The following FSTL4 variants were observed in gnomAD, a reference collection of about 807,000 sequenced individuals.
FSTL4 encodes follistatin like 4, also known as follistatin-related protein 4.
Under a neutral mutation model 78.2 loss-of-function variants are expected in FSTL4, and 28 were observed. The ratio of observed to expected loss-of-function variants is 0.36; its 90% CI spans 0.27 to 0.49. The LOEUF (loss-of-function observed/expected upper bound fraction) is 0.49. Among genes scored for constraint, FSTL4 ranks in the 20% least tolerant of loss-of-function variants. FSTL4 has a pLI of 0.98. For synonymous variants in FSTL4, 422 were observed against 440.5 expected (o/e 0.96, Z 0.53); for missense variants, 922 against 1,084.9 (o/e 0.85, Z 2.11).
chr5:133,546,154 A>G (rs1387437036), intron 3 of FSTL4, among the ~76,000 whole-genome samples: 1 of 152,240 alleles, frequency 6.6e-6, no homozygotes. Flanking sequence ...GATGAAACTC[A>G]TAATCAAAAG....
chr5:133,821,142 G>C, the FSTL4 span, among the ~76,000 whole-genome samples: 1 of 152,208 alleles, frequency 6.6e-6, no homozygotes, highest in African/African-American at 2.4e-5. Flanking sequence ...TTATTAAATT[G>C]TAAAAATACT....
At chr5:133,350,528 T>G (rs1254830024) in intron 4 of FSTL4, among the ~76,000 whole-genome samples, 2 of 152,274 alleles carry the variant, frequency 1.3e-5, no homozygotes, top group African/African-American at 2.4e-5. Flanking sequence ...AAGGTTTAGG[T>G]TCCTGTTTTC....
intron 4 of FSTL4, among the ~76,000 whole-genome samples, chr5:133,336,875 T>G (rs1449126187): frequency 6.6e-6 from 1 of 152,188 alleles, no homozygotes; most frequent in Non-Finnish European, 1.5e-5. Flanking sequence ...ACCATTTCCA[T>G]GACCACACTG....
chr5:133,811,487 G>A, the FSTL4 span, among the ~76,000 whole-genome samples: 5 of 152,300 alleles, frequency 3.3e-5, no homozygotes, highest in South Asian at 4.1e-4. Flanking sequence ...ACTGCTGCCC[G>A]AGGCATCCCC....
chr5:133,786,226 C>G, the FSTL4 span, among the ~76,000 whole-genome samples: 7 of 152,198 alleles, frequency 4.6e-5, no homozygotes, highest in African/African-American at 1.4e-4. Context: ...TACAGCCTCC[C>G]TTGGGCCAGG....
chr5:133,681,491 C>T, the FSTL4 span, among the ~76,000 whole-genome samples: 1 of 152,018 alleles, frequency 6.6e-6, no homozygotes, highest in South Asian at 2.1e-4. Flanking sequence ...TTAATATATT[C>T]TAAAGCCAAA....
chr5:133,780,401 C>G, the FSTL4 span, among the ~76,000 whole-genome samples: 1 of 145,388 alleles, frequency 6.9e-6, no homozygotes, highest in African/African-American at 2.5e-5. Context: ...TACCCTCCCT[C>G]CCACCCTGTC....
At chr5:133,638,966 AT>A in the FSTL4 span, among the ~76,000 whole-genome samples, 1 of 151,056 alleles carries the variant, frequency 6.6e-6, no homozygotes, top group South Asian at 2.1e-4. Flanking sequence ...AACTTTTATT[AT>A]TTATTTTATT....
intron 3 of FSTL4, among the ~76,000 whole-genome samples, chr5:133,443,341 A>G (rs894597456): frequency 3.3e-5 from 5 of 152,370 alleles, no homozygotes; most frequent in Middle Eastern, 3.4e-3. Context: ...CCCATCTGGG[A>G]AAGCAAAAAC....
At chr5:133,322,758 G>T (rs1402301309) in intron 4 of FSTL4, among the ~76,000 whole-genome samples, 1 of 152,212 alleles carries the variant, frequency 6.6e-6, no homozygotes, top group Non-Finnish European at 1.5e-5. Flanking sequence ...CTGAGTCCAC[G>T]CCTGAGACCG....
At chr5:133,534,610 G>A (rs1309846661) in intron 3 of FSTL4, among the ~76,000 whole-genome samples, 1 of 152,156 alleles carries the variant, frequency 6.6e-6, no homozygotes, top group Non-Finnish European at 1.5e-5. Flanking sequence ...TGTGGTTGAA[G>A]GAACATAGCC....
intron 3 of FSTL4, among the ~76,000 whole-genome samples, chr5:133,465,571 G>A (rs1757690097): frequency 6.6e-6 from 1 of 152,220 alleles, no homozygotes; most frequent in South Asian, 2.1e-4. Context: ...TCCTGGGTGG[G>A]TGACCCAGAA....
At chr5:133,769,625 T>C in the FSTL4 span, among the ~76,000 whole-genome samples, 1 of 152,202 alleles carries the variant, frequency 6.6e-6, no homozygotes, top group South Asian at 2.1e-4. Context: ...TGTGGGGTTA[T>C]AGATGGTAGC....
intron 14 of FSTL4, among the ~76,000 whole-genome samples, chr5:133,209,503 G>A (rs895434700): frequency 3.9e-5 from 6 of 152,182 alleles, no homozygotes; most frequent in African/African-American, 1.4e-4. Context: ...TGGGAGAATT[G>A]AGAAAATGGG....
intron 4 of FSTL4, among the ~76,000 whole-genome samples, chr5:133,320,816 G>T (rs1053931744): frequency 6.6e-6 from 1 of 151,920 alleles, no homozygotes; most frequent in Admixed American, 6.6e-5. Flanking sequence ...GACCATCCTG[G>T]CTAACACGGT....
rs1761111583 is a variant in FSTL4, at chr5:133,612,143, C to T, written c.-11+182G>A. Among the ~76,000 whole-genome samples the T allele has an allele frequency of 6.6e-6, 1 of 152,006 alleles. No homozygotes were observed. Among genetic ancestry groups the T allele is most frequent in the African/African-American group, 2.4e-5 (1 of 41,434 alleles). On this transcript the variant is annotated intron_variant, in intron 1 of 15. Transcript: ENST00000265342. The surrounding 1 kb of genome is among the most constrained non-coding windows in gnomAD (Gnocchi z 6.2). ...AGCCCTGGCCCAGCGGTCCCTTCCC[C>T]GCGGGCAAACTTGGCTTTCCCGGCG...
At chr5:133,686,112 T>C in the FSTL4 span, among the ~76,000 whole-genome samples, 49 of 152,308 alleles carry the variant, frequency 3.2e-4, no homozygotes, top group African/African-American at 1.2e-3. Context: ...AAAATTATAA[T>C]TATGAGCATC....
chr5:133,466,004 G>A (rs990976975), intron 3 of FSTL4, among the ~76,000 whole-genome samples: 11 of 152,208 alleles, frequency 7.2e-5, no homozygotes, highest in African/African-American at 2.7e-4. Context: ...TTCCTGCAGT[G>A]GGGCAGGGGG....
At chr5:133,767,387 T>C in the FSTL4 span, among the ~76,000 whole-genome samples, 10,456 of 152,156 alleles carry the variant, frequency 0.069, 477 homozygotes, top group African/African-American at 0.12. Flanking sequence ...TATTGGCACC[T>C]GGAAGGTGGA....
Sources: allele counts gnomAD v4.1 joint callset (sites outside exome capture counted in the v4.1 genomes callset), GRCh38; gene constraint gnomAD v4.1.1; non-coding constraint Gnocchi (gnomAD v3.1); transcripts MANE v1.5; gene names NCBI Gene and HGNC (gene_info 2026-07-23, HGNC 2026-07-21).